ZNF385D: variants seen among roughly 807,000 people sequenced by gnomAD.
The protein encoded by ZNF385D is zinc finger protein 659.
Under a neutral mutation model 35.8 loss-of-function variants are expected in ZNF385D, and 15 were observed. The observed-to-expected ratio is 0.42, with a 90% CI of 0.28 to 0.64. ZNF385D has a LOEUF of 0.64. ZNF385D is among the 30% of genes least tolerant of loss of function. ZNF385D has a pLI of 0.23. For synonymous variants in ZNF385D, 212 were observed against 186.8 expected, an observed-to-expected ratio of 1.13 and a Z score of -1.10; for missense variants, 474 against 494.6, an observed-to-expected ratio of 0.96 and a Z score of 0.39.
chr3:21,504,869 T>C (rs1262499389), intron 4 of ZNF385D, among the ~76,000 whole-genome samples: 1 of 152,134 alleles, frequency 6.6e-6, no homozygotes, highest in Non-Finnish European at 1.5e-5. Flanking sequence ...AGATGTGGTT[T>C]ATGTACTGTA....
rs76751352 is a variant in ZNF385D, at chr3:21,550,267, A to G, written c.276+14307T>C. ...AACATCAATCCTGTGAATAATACTG[A>G]TAAGTATTAAGATATATTAAGACAT... On this transcript the variant is annotated intron_variant, in intron 3 of 7. Coordinates refer to ENST00000281523, the MANE Select transcript of ZNF385D (RefSeq NM_024697.3). Among the ~76,000 whole-genome samples, 1,196 of 152,258 alleles carry G rather than the reference A, an allele frequency of 7.9e-3. 8 individuals are homozygous for G. The highest frequency in any genetic ancestry group is 0.027 in the African/African-American group (1,127 of 41,548).
At chr3:21,943,324 A>G in intron 3 of ZNF385D, among the ~76,000 whole-genome samples, 1 of 151,490 alleles carries the variant, frequency 6.6e-6, no homozygotes, top group African/African-American at 2.4e-5. Flanking sequence ...ATATGTATAT[A>G]TATACATATA....
intron 3 of ZNF385D, among the ~76,000 whole-genome samples, chr3:21,806,649 G>C (rs1343901951): frequency 1.3e-5 from 2 of 152,116 alleles, no homozygotes; most frequent in Non-Finnish European, 2.9e-5. Context: ...GGGAGATTTT[G>C]TTGCCAGTAC....
At chr3:21,730,672 A>T (rs963040531) in intron 1 of ZNF385D, among the ~76,000 whole-genome samples, 1 of 152,346 alleles carries the variant, frequency 6.6e-6, no homozygotes. Flanking sequence ...CCTGCTTCCA[A>T]GTCTAACAAC....
intron 1 of ZNF385D, among the ~76,000 whole-genome samples, chr3:21,695,601 T>G (rs1470494692): frequency 6.6e-6 from 1 of 152,036 alleles, no homozygotes; most frequent in East Asian, 1.9e-4. Flanking sequence ...AGTATAAAAC[T>G]CGTCAAATGA....
At chr3:21,475,800 A>T (rs1375248644) in intron 4 of ZNF385D, among the ~76,000 whole-genome samples, 3 of 152,156 alleles carry the variant, frequency 2.0e-5, no homozygotes, top group Non-Finnish European at 2.9e-5. Context: ...TAGACACTTA[A>T]ATTTTGAGTT....
chr3:22,302,557 T>C (rs1306429551), intron 2 of ZNF385D, among the ~76,000 whole-genome samples: 2 of 151,988 alleles, frequency 1.3e-5, no homozygotes, highest in African/African-American at 4.8e-5. Flanking sequence ...ACTCTAGATT[T>C]GCAAACTCTT....
At chr3:21,644,248 G>C (rs1012160336) in intron 2 of ZNF385D, among the ~76,000 whole-genome samples, 2 of 152,034 alleles carry the variant, frequency 1.3e-5, no homozygotes, top group African/African-American at 4.8e-5. Flanking sequence ...TAAAATAAAT[G>C]TGAGCTATAT....
chr3:22,074,493 T>G (rs971900372), intron 3 of ZNF385D, among the ~76,000 whole-genome samples: 3 of 151,940 alleles, frequency 2.0e-5, no homozygotes, highest in Admixed American at 6.6e-5. Flanking sequence ...ATCTTGCATA[T>G]TGGTTACTTC....
intron 3 of ZNF385D, among the ~76,000 whole-genome samples, chr3:21,895,978 G>A (rs74579594): frequency 7.9e-5 from 12 of 152,106 alleles, no homozygotes; most frequent in Admixed American, 5.9e-4. Flanking sequence ...AAATTTTTGC[G>A]GTTTCGACAA....
chr3:22,249,536 A>G (rs2125326672), intron 2 of ZNF385D, among the ~76,000 whole-genome samples: 1 of 152,334 alleles, frequency 6.6e-6, no homozygotes, highest in East Asian at 1.9e-4. Flanking sequence ...AAACTTATGT[A>G]AACAGAACAG....
chr3:22,012,723 G>T (rs1427276048), intron 3 of ZNF385D, among the ~76,000 whole-genome samples: 1 of 152,070 alleles, frequency 6.6e-6, no homozygotes, highest in East Asian at 1.9e-4. Context: ...AGTTCCCAAT[G>T]GTGCCTACCC....
chr3:22,165,327 T>G (rs765481121), intron 3 of ZNF385D, among the ~76,000 whole-genome samples: 15 of 152,092 alleles, frequency 9.9e-5, no homozygotes, highest in Non-Finnish European at 2.2e-4. Flanking sequence ...AATAGTCTAT[T>G]AAGAAAAAAA....
intron 3 of ZNF385D, among the ~76,000 whole-genome samples, chr3:22,130,436 T>C (rs768839667): frequency 2.0e-5 from 3 of 152,160 alleles, no homozygotes; most frequent in African/African-American, 7.2e-5. Flanking sequence ...CATTGTGCTT[T>C]AGCCCACTGT....
rs11917630 is a variant in ZNF385D, at chr3:22,106,848, C to G, written c.325+61969G>C. ...AGGTTAGACTATCAACCACCACGAT[C>G]CCTTAACTTGTGATTTGGGCACTCA... On this transcript the variant is annotated intron_variant, in intron 3 of 5. Coordinates refer to the ZNF385D transcript ENST00000494108. Among the ~76,000 whole-genome samples, 844 of 152,168 alleles carry G rather than the reference C, an allele frequency of 5.5e-3. 12 individuals are homozygous for G. The highest frequency in any genetic ancestry group is 0.018 in the African/African-American group (764 of 41,544).
At chr3:22,057,448 A>C (rs1347488188) in intron 3 of ZNF385D, among the ~76,000 whole-genome samples, 3 of 152,198 alleles carry the variant, frequency 2.0e-5, no homozygotes, top group Non-Finnish European at 2.9e-5. Flanking sequence ...TGATACTGCA[A>C]TTAAATTGGA....
chr3:22,091,769 T>C (rs1701343497), intron 3 of ZNF385D, among the ~76,000 whole-genome samples: 1 of 152,222 alleles, frequency 6.6e-6, no homozygotes, highest in African/African-American at 2.4e-5. Context: ...CTATTTTCTC[T>C]TTGCCTGTTA....
chr3:21,733,808 T>C (rs2069122677), intron 1 of ZNF385D, among the ~76,000 whole-genome samples: 1 of 152,194 alleles, frequency 6.6e-6, no homozygotes, highest in Non-Finnish European at 1.5e-5. Context: ...TGTCTAAATG[T>C]GTATCCAGTT....
intron 2 of ZNF385D, among the ~76,000 whole-genome samples, chr3:21,568,063 AAACTT>A (rs1013819780): frequency 2.0e-5 from 3 of 152,184 alleles, no homozygotes; most frequent in East Asian, 1.9e-4. Context: ...AGTTAAAAAA[AAACTT>A]AACTGAATTA....
Sources: gnomAD v4.1 joint callset for allele counts (sites outside exome capture counted in the v4.1 genomes callset) on GRCh38, gnomAD v4.1.1 for gene constraint, MANE v1.5 for transcripts, NCBI Gene and HGNC (gene_info 2026-07-23, HGNC 2026-07-21) for gene names.